Variants in GPHN observed in about 807,000 individuals in gnomAD.
The protein encoded by GPHN is gephyrin.
In GPHN, 17 loss-of-function variants were observed where a neutral mutation model predicts 95.5. The observed-to-expected ratio is 0.18, with a 90% CI of 0.12 to 0.27. The LOEUF is 0.27. Among genes scored for constraint, GPHN ranks in the 10% least tolerant of loss-of-function variants. The pLI, the probability that GPHN is intolerant of heterozygous loss-of-function variation, is 1.00. For missense variants in GPHN, 660 were observed against 978.1 expected (o/e 0.67, Z 4.34); for synonymous variants, 320 against 322.5 (o/e 0.99, Z 0.08).
intron 4 of GPHN, among the ~76,000 whole-genome samples, chr14:66,878,211 T>C (rs986131068): frequency 6.6e-6 from 1 of 152,112 alleles, no homozygotes; most frequent in African/African-American, 2.4e-5. Context: ...TTACACCTTA[T>C]ACAAAAATTA....
the GPHN span, chr14:67,599,881 C>T: frequency 1.6e-6 from 1 of 641,064 alleles, no homozygotes; most frequent in South Asian, 2.1e-5. Flanking sequence ...AATATCGTCC[C>T]CAGAACCCGT....
At chr14:67,323,937 T>A in the GPHN span, 4 of 570,044 alleles carry the variant, frequency 7.0e-6, no homozygotes, top group Non-Finnish European at 1.2e-5. Flanking sequence ...TTTTCTGTAA[T>A]ATTACTTGCC....
chr14:67,528,513 G>A, the GPHN span, among the ~76,000 whole-genome samples: 2 of 152,166 alleles, frequency 1.3e-5, no homozygotes, highest in Admixed American at 1.3e-4. Context: ...GATGAAAGCT[G>A]TTGGAGAAAT....
At chr14:67,683,130 T>C in the GPHN span, among the ~76,000 whole-genome samples, 2 of 152,204 alleles carry the variant, frequency 1.3e-5, no homozygotes, top group Admixed American at 6.5e-5. Flanking sequence ...TGTTCATTTC[T>C]TGATGGTGGT....
chr14:66,840,598 T>C (rs1014778520), intron 4 of GPHN, among the ~76,000 whole-genome samples: 1 of 142,664 alleles, frequency 7.0e-6, no homozygotes, highest in African/African-American at 2.9e-5. Context: ...TGAGCCTGGC[T>C]GTGCTCTAAT....
At chr14:67,337,073 G>A in the GPHN span, among the ~76,000 whole-genome samples, 1 of 152,192 alleles carries the variant, frequency 6.6e-6, no homozygotes, top group Non-Finnish European at 1.5e-5. Flanking sequence ...CTGTAAAATA[G>A]GGGGTTAAAA....
the GPHN span, among the ~76,000 whole-genome samples, chr14:67,636,993 C>T: frequency 6.6e-6 from 1 of 152,224 alleles, no homozygotes; most frequent in Admixed American, 6.5e-5. Flanking sequence ...CAGCCAGACA[C>T]ATATTCCTTA....
chr14:66,748,207 C>CA (rs1159501245), intron 2 of GPHN, among the ~76,000 whole-genome samples: 8 of 151,106 alleles, frequency 5.3e-5, no homozygotes, highest in East Asian at 1.9e-4. Flanking sequence ...CTTGAGAATG[C>CA]AAAAAAAATA....
the GPHN span, among the ~76,000 whole-genome samples, chr14:67,274,073 G>T: frequency 2.0e-5 from 3 of 152,144 alleles, no homozygotes; most frequent in African/African-American, 7.2e-5. Context: ...TCTGTAGGTT[G>T]CCTGTTCACT....
chr14:67,223,715 C>A, the GPHN span: 3 of 979,526 alleles, frequency 3.1e-6, no homozygotes, highest in Non-Finnish European at 3.6e-6. Flanking sequence ...TTCTTTCCAC[C>A]TTTTTCTCCC....
chr14:66,759,240 C>T (rs1270490859), intron 2 of GPHN, among the ~76,000 whole-genome samples: 3 of 152,122 alleles, frequency 2.0e-5, no homozygotes, highest in Middle Eastern at 3.2e-3. Flanking sequence ...CCCAAGATAA[C>T]TTGGGGTTCC....
the GPHN span, among the ~76,000 whole-genome samples, chr14:67,319,648 G>T: frequency 6.6e-6 from 1 of 151,672 alleles, no homozygotes; most frequent in Non-Finnish European, 1.5e-5. Context: ...CAATCTCACA[G>T]TGTTTTAAGA....
the GPHN span, among the ~76,000 whole-genome samples, chr14:67,704,671 A>G: frequency 6.6e-6 from 1 of 152,188 alleles, no homozygotes; most frequent in Non-Finnish European, 1.5e-5. Flanking sequence ...ATGCGACTGG[A>G]AAAGGAAAAA....
chr14:67,424,148 G>A, the GPHN span, among the ~76,000 whole-genome samples: 1 of 152,158 alleles, frequency 6.6e-6, no homozygotes, highest in African/African-American at 2.4e-5. Context: ...GCTGAGGCAG[G>A]AGAATCACTT....
At chr14:66,585,272 T>C (rs1202291803) in intron 1 of GPHN, among the ~76,000 whole-genome samples, 2 of 152,178 alleles carry the variant, frequency 1.3e-5, no homozygotes, top group East Asian at 3.8e-4. Context: ...ATTTGATTCT[T>C]CTCTCTTTTC....
At chr14:67,326,537 G>A in the GPHN span, among the ~76,000 whole-genome samples, 1 of 151,936 alleles carries the variant, frequency 6.6e-6, no homozygotes, top group African/African-American at 2.4e-5. Context: ...GCAAGTTTTG[G>A]AAATGTGTAC....
At chr14:67,237,005 G>A in the GPHN span, among the ~76,000 whole-genome samples, 24 of 151,938 alleles carry the variant, frequency 1.6e-4, no homozygotes, top group East Asian at 1.9e-4. Flanking sequence ...CAGGAAAACC[G>A]CTTGAACCCG....
chr14:66,729,147 A>T (rs759484245), intron 2 of GPHN, among the ~76,000 whole-genome samples: 2 of 152,076 alleles, frequency 1.3e-5, no homozygotes, highest in Non-Finnish European at 2.9e-5. Flanking sequence ...TTCCACCATG[A>T]TTGTGAGGCC....
At chr14:67,384,127 C>G in the GPHN span, 2 of 152,444 alleles carry the variant, frequency 1.3e-5, no homozygotes, top group Admixed American at 6.5e-5. Context: ...AGATTGATGA[C>G]AACCTGTGTG....
Sources: gnomAD v4.1 joint callset for allele counts (sites outside exome capture counted in the v4.1 genomes callset) on GRCh38, gnomAD v4.1.1 for gene constraint, MANE v1.5 for transcripts, NCBI Gene and HGNC (gene_info 2026-07-23, HGNC 2026-07-21) for gene names.